SRBD1: variants seen among roughly 807,000 people sequenced by gnomAD.
The protein encoded by SRBD1 is S1 RNA binding domain 1, also known as S1 RNA-binding domain-containing protein 1.
In SRBD1, 88 loss-of-function variants were observed where a neutral mutation model predicts 115.3. The observed-to-expected ratio is 0.76, with a 90% CI of 0.64 to 0.91. The LOEUF (loss-of-function observed/expected upper bound fraction) is 0.91. Among genes scored for constraint, SRBD1 ranks in the 40% least tolerant of loss-of-function variants. The probability of loss-of-function intolerance (pLI) is 0.00; values close to 1 mark genes in which losing one functional copy is unlikely to be tolerated. For missense variants in SRBD1, 1,385 were observed against 1,177.4 expected, an observed-to-expected ratio of 1.18 and a Z score of -2.58; for synonymous variants, 509 against 407.7, an observed-to-expected ratio of 1.25 and a Z score of -2.99.
chr2:45,517,209 G>A (rs933924065), intron 14 of SRBD1, among the ~76,000 whole-genome samples: 11 of 152,166 alleles, frequency 7.2e-5, no homozygotes, highest in Non-Finnish European at 1.6e-4. Flanking sequence ...ATCAGGCCAT[G>A]TTCTCTTCCT....
rs141676938 is a variant in SRBD1 at position 45,408,224 on chromosome 2, AAT to A, written c.2513+4888_2513+4889del. Reference sequence around the variant, plus strand: ...TTCCCTGGGAAGACACTTGTGTGAGAATATATAGAGTATGAACTACCTATGCT... The same window carrying A: ...TTCCCTGGGAAGACACTTGTGTGAGAATATAGAGTATGAACTACCTATGCT... On this transcript the variant is annotated intron_variant, in intron 19 of 20. Coordinates refer to ENST00000263736, the MANE Select transcript of SRBD1 (RefSeq NM_018079.5). 5.2e-3 allele frequency among the ~76,000 whole-genome samples: 794 copies of A among 152,306 alleles called. 3 individuals carry two copies. The highest frequency in any genetic ancestry group is 8.4e-3 in the Non-Finnish European group (570 of 68,038).
intron 1 of SRBD1, among the ~76,000 whole-genome samples, chr2:45,608,346 A>T (rs1347546255): frequency 6.6e-6 from 1 of 152,230 alleles, no homozygotes; most frequent in Non-Finnish European, 1.5e-5. Context: ...CACACAAGCC[A>T]ATTTCAAGCA....
intron 2 of SRBD1, among the ~76,000 whole-genome samples, chr2:45,603,715 AG>A (rs1674173316): frequency 6.6e-6 from 1 of 151,916 alleles, no homozygotes; most frequent in Non-Finnish European, 1.5e-5. Flanking sequence ...TTTTTAGTAG[AG>A]CCGGGTTTCA....
chr2:45,597,226 C>G (rs750553490), intron 4 of SRBD1, among the ~76,000 whole-genome samples: 1 of 152,132 alleles, frequency 6.6e-6, no homozygotes, highest in Non-Finnish European at 1.5e-5. Flanking sequence ...GGAGACCATT[C>G]TGGCTAACAT....
intron 15 of SRBD1, among the ~76,000 whole-genome samples, chr2:45,487,885 C>T (rs988258350): frequency 6.6e-6 from 1 of 152,024 alleles, no homozygotes; most frequent in African/African-American, 2.4e-5. Context: ...AACTCCTGAC[C>T]TCGTGATCCA....
chr2:45,437,074 T>C (rs1404214633), intron 16 of SRBD1, among the ~76,000 whole-genome samples: 2 of 152,132 alleles, frequency 1.3e-5, no homozygotes, highest in Non-Finnish European at 2.9e-5. Context: ...ATAAGATCTA[T>C]AAGAAGAAAA....
chr2:45,530,610 T>A (rs184232639), intron 14 of SRBD1, among the ~76,000 whole-genome samples: 1 of 152,118 alleles, frequency 6.6e-6, no homozygotes, highest in Middle Eastern at 3.4e-3. Context: ...ATCCTATATA[T>A]GAAAGAAGAT....
At chr2:45,463,176 C>T (rs3770267) in intron 16 of SRBD1, among the ~76,000 whole-genome samples, 66,854 of 151,812 alleles carry the variant, frequency 0.44, 16,014 homozygotes, top group Non-Finnish European at 0.56. Flanking sequence ...CATGAGTGAA[C>T]CCATACCATA....
intron 1 of SRBD1, among the ~76,000 whole-genome samples, chr2:45,610,904 G>C (rs1170250255): frequency 6.8e-6 from 1 of 148,114 alleles, no homozygotes; most frequent in Non-Finnish European, 1.5e-5. Flanking sequence ...CTCCAGCCTG[G>C]GCGACAGAGG....
intron 16 of SRBD1, among the ~76,000 whole-genome samples, chr2:45,461,120 G>A (rs1197730851): frequency 6.6e-6 from 1 of 152,124 alleles, no homozygotes; most frequent in Non-Finnish European, 1.5e-5. Context: ...AACTCTCCTG[G>A]GGAAGTGTTA....
chr2:45,442,611 G>A (rs1668703175), intron 16 of SRBD1, among the ~76,000 whole-genome samples: 1 of 152,182 alleles, frequency 6.6e-6, no homozygotes, highest in Non-Finnish European at 1.5e-5. Context: ...GGAACCAAAT[G>A]TTGGTCCTTA....
chr2:45,541,031 G>A (rs1354352461), intron 14 of SRBD1, among the ~76,000 whole-genome samples: 1 of 152,214 alleles, frequency 6.6e-6, no homozygotes, highest in Non-Finnish European at 1.5e-5. Flanking sequence ...CAAGCTGGCA[G>A]GCTGTGCTTG....
chr2:45,444,928 T>A (rs1373238091), intron 16 of SRBD1, among the ~76,000 whole-genome samples: 1 of 152,176 alleles, frequency 6.6e-6, no homozygotes, highest in Non-Finnish European at 1.5e-5. Context: ...GATGCAAAAT[T>A]TCTTGAAAAC....
intron 4 of SRBD1, among the ~76,000 whole-genome samples, chr2:45,589,298 G>A (rs1395907948): frequency 6.6e-6 from 1 of 152,050 alleles, no homozygotes. Context: ...CAATCTAGAG[G>A]GGAAGATAAA....
intron 16 of SRBD1, among the ~76,000 whole-genome samples, chr2:45,423,958 C>A (rs1558383566): frequency 6.6e-6 from 1 of 152,064 alleles, no homozygotes; most frequent in Non-Finnish European, 1.5e-5. Flanking sequence ...GAAATAATTT[C>A]AAATTTAGAG....
intron 14 of SRBD1, among the ~76,000 whole-genome samples, chr2:45,503,138 T>C (rs1281923057): frequency 3.9e-5 from 6 of 152,234 alleles, no homozygotes; most frequent in Non-Finnish European, 7.3e-5. Context: ...ATGTCTTTCA[T>C]AGCATCTACT....
At chr2:45,498,769 T>C (rs1339268873) in intron 14 of SRBD1, among the ~76,000 whole-genome samples, 1 of 152,192 alleles carries the variant, frequency 6.6e-6, no homozygotes, top group Non-Finnish European at 1.5e-5. Context: ...GCCTGGCTTA[T>C]TTCAGTTAGC....
intron 14 of SRBD1, among the ~76,000 whole-genome samples, chr2:45,500,929 G>A (rs1049616803): frequency 2.0e-5 from 3 of 152,156 alleles, no homozygotes; most frequent in African/African-American, 7.2e-5. Context: ...ATGTTGGATA[G>A]AAGTGGGAAA....
chr2:45,604,979 G>C (rs1572833048), intron 2 of SRBD1, among the ~76,000 whole-genome samples: 1 of 152,258 alleles, frequency 6.6e-6, no homozygotes. Flanking sequence ...TAGAGGCCAA[G>C]GATGCTGCTA....
Sources: allele counts gnomAD v4.1 joint callset (sites outside exome capture counted in the v4.1 genomes callset), GRCh38; gene constraint gnomAD v4.1.1; transcripts MANE v1.5; gene names NCBI Gene and HGNC (gene_info 2026-07-23, HGNC 2026-07-21).